The following PRKG1 variants were observed in gnomAD, a reference collection of about 807,000 sequenced individuals.
PRKG1 encodes the protein cGMP-dependent protein kinase 1.
In PRKG1, 35 loss-of-function variants were observed where a neutral mutation model predicts 88.1. That is an observed-to-expected ratio of 0.40 (90% CI 0.30 to 0.53). The LOEUF is 0.53. Ranked by LOEUF, PRKG1 falls within the 20% of genes least tolerant of loss-of-function variation. The pLI is 0.59. For synonymous variants in PRKG1, 303 were observed against 292.5 expected (o/e 1.04, Z -0.37); for missense variants, 540 against 839.8 (o/e 0.64, Z 4.41).
chr10:51,222,180 C>T (rs1213297029), intron 2 of PRKG1, among the ~76,000 whole-genome samples: 1 of 151,054 alleles, frequency 6.6e-6, no homozygotes, highest in Non-Finnish European at 1.5e-5. Flanking sequence ...GCCACCGCGC[C>T]CAGCCTGTTT....
At chr10:51,097,301 C>A (rs1844552436) in intron 1 of PRKG1, among the ~76,000 whole-genome samples, 1 of 152,162 alleles carries the variant, frequency 6.6e-6, no homozygotes, top group Admixed American at 6.5e-5. Flanking sequence ...CAGCTCACTG[C>A]AACTTCCGCC....
At chr10:52,275,818 G>T (rs542750692) in intron 12 of PRKG1, among the ~76,000 whole-genome samples, 1 of 152,200 alleles carries the variant, frequency 6.6e-6, no homozygotes, top group South Asian at 2.1e-4. Context: ...AGCATGGGAT[G>T]TTTGTGTCAT....
intron 1 of PRKG1, among the ~76,000 whole-genome samples, chr10:51,016,673 C>CTTCTTTCTTTTTTTT (rs1564571435): frequency 2.8e-5 from 1 of 35,186 alleles, no homozygotes. Flanking sequence ...ATTATCCTTT[C>CTTCTTTCTTTTTTTT]TTTTTTTTTT....
At chr10:51,402,136 A>G (rs1555877) in intron 2 of PRKG1, among the ~76,000 whole-genome samples, 88,873 of 152,048 alleles carry the variant, frequency 0.58, 26,496 homozygotes, top group Non-Finnish European at 0.64. Flanking sequence ...ATTAACATTT[A>G]TGCTTAACAT....
chr10:51,735,887 T>TATATATATATA (rs1564626598), intron 3 of PRKG1, among the ~76,000 whole-genome samples: 1 of 125,980 alleles, frequency 7.9e-6, no homozygotes, highest in African/African-American at 3.6e-5. Context: ...ATATGTATAT[T>TATATATATATA]TATTTATTTA....
chr10:51,309,083 C>T (rs1355158273), intron 2 of PRKG1, among the ~76,000 whole-genome samples: 3 of 152,140 alleles, frequency 2.0e-5, no homozygotes, highest in Non-Finnish European at 2.9e-5. Flanking sequence ...TCTTGCCTCC[C>T]CCAGGGCTTC....
In PRKG1 at chr10:52,092,346, G is replaced by A. The variant is rs548208194; in HGVS notation, c.935+29715G>A. On this transcript the variant is annotated intron_variant, in intron 7 of 17. Transcript: ENST00000373980. The stretch of plus-strand genomic sequence containing the variant: ...CTATGCTTTTTGTTATATTTGTAGT[G>A]TAGGTTTCCGTGAGTACTAAAATTT... 1.3e-5 allele frequency among the ~76,000 whole-genome samples: 2 copies of A among 152,164 alleles called. 1 individual carries two copies. The highest frequency in any genetic ancestry group is 4.8e-5 in the African/African-American group (2 of 41,516).
intron 8 of PRKG1, among the ~76,000 whole-genome samples, chr10:52,137,536 T>A (rs1372135253): frequency 6.6e-6 from 1 of 152,056 alleles, no homozygotes; most frequent in African/African-American, 2.4e-5. Context: ...GGACCCCCTT[T>A]GAATACCAAA....
At chr10:52,156,088 T>C (rs1225830225) in intron 8 of PRKG1, among the ~76,000 whole-genome samples, 9 of 151,958 alleles carry the variant, frequency 5.9e-5, no homozygotes, top group Admixed American at 4.6e-4. Flanking sequence ...TTCTAGTGAA[T>C]AATCCCCATG....
intron 7 of PRKG1, among the ~76,000 whole-genome samples, chr10:52,118,907 A>G (rs1048649549): frequency 6.6e-6 from 1 of 152,020 alleles, no homozygotes; most frequent in African/African-American, 2.4e-5. Context: ...AATTTTGCAT[A>G]TTTCTTTTCC....
intron 5 of PRKG1, among the ~76,000 whole-genome samples, chr10:51,988,574 T>C (rs189155557): frequency 6.6e-6 from 1 of 152,082 alleles, no homozygotes; most frequent in African/African-American, 2.4e-5. Context: ...TGAGGTATCA[T>C]TGTTTAAATT....
chr10:51,043,385 A>G (rs556298247), intron 1 of PRKG1, among the ~76,000 whole-genome samples: 1 of 152,310 alleles, frequency 6.6e-6, no homozygotes, highest in African/African-American at 2.4e-5. Flanking sequence ...ACATATACAC[A>G]TATATGCTTA....
At position 51,674,726 on chromosome 10, in the gene PRKG1, G is replaced by A. The variant is rs556281688; in HGVS notation, c.593-129859G>A. ...TGCTACCAATGGAGGGAATTAAATC[G>A]AGGTGACAATTTGGATGAACCCGAG... On this transcript the variant is annotated intron_variant, in intron 3 of 17. Transcript: ENST00000373980. 2.1e-3 allele frequency among the ~76,000 whole-genome samples: 323 copies of A among 152,220 alleles called. 2 individuals carry two copies. The highest frequency in any genetic ancestry group is 7.0e-3 in the African/African-American group (290 of 41,536).
At chr10:52,166,520 G>A (rs1358508584) in intron 9 of PRKG1, among the ~76,000 whole-genome samples, 13 of 138,596 alleles carry the variant, frequency 9.4e-5, no homozygotes, top group South Asian at 2.2e-4. Flanking sequence ...TGCAAGCTCC[G>A]CCTCCCGGGT....
intron 3 of PRKG1, among the ~76,000 whole-genome samples, chr10:51,610,298 C>T (rs536459987): frequency 6.6e-6 from 1 of 152,180 alleles, no homozygotes; most frequent in Non-Finnish European, 1.5e-5. Context: ...ACTCATACAC[C>T]CTTTCCAGTC....
At chr10:51,508,595 C>G (rs559126791) in intron 3 of PRKG1, among the ~76,000 whole-genome samples, 52 of 152,122 alleles carry the variant, frequency 3.4e-4, no homozygotes, top group African/African-American at 1.2e-3. Context: ...GCCAAATAAT[C>G]TAATCACTCT....
intron 3 of PRKG1, among the ~76,000 whole-genome samples, chr10:51,790,809 A>T (rs1838850779): frequency 6.6e-6 from 1 of 152,046 alleles, no homozygotes; most frequent in South Asian, 2.1e-4. Context: ...TGTATGCCTC[A>T]CTCCTCTCTG....
At chr10:51,848,106 A>C (rs1296094202) in intron 4 of PRKG1, among the ~76,000 whole-genome samples, 1 of 152,158 alleles carries the variant, frequency 6.6e-6, no homozygotes, top group African/African-American at 2.4e-5. Context: ...AATAGGAAGC[A>C]TTCCAAAATA....
intron 3 of PRKG1, among the ~76,000 whole-genome samples, chr10:51,527,675 TAA>T (rs1454422872): frequency 6.6e-6 from 1 of 152,222 alleles, no homozygotes; most frequent in Non-Finnish European, 1.5e-5. Context: ...TCTAGCGCTT[TAA>T]AGTCTCTTTA....
Sources: allele counts gnomAD v4.1 joint callset (sites outside exome capture counted in the v4.1 genomes callset), GRCh38; gene constraint gnomAD v4.1.1; transcripts MANE v1.5; gene names NCBI Gene and HGNC (gene_info 2026-07-23, HGNC 2026-07-21).